Variants in RAPGEF4 observed in about 807,000 individuals in gnomAD.
RAPGEF4 encodes the protein Rap guanine nucleotide exchange factor 4.
A neutral mutation model predicts 147.9 loss-of-function variants in RAPGEF4; 66 were observed. That is an observed-to-expected ratio of 0.45 (90% confidence interval 0.37 to 0.55). The LOEUF (loss-of-function observed/expected upper bound fraction) is 0.55. Ranked by LOEUF, RAPGEF4 falls within the 20% of genes least tolerant of loss-of-function variation. The pLI is 0.00. For missense variants in RAPGEF4, 1,071 were observed against 1,257.3 expected, an observed-to-expected ratio of 0.85 and a Z score of 2.24; for synonymous variants, 419 against 442.7, an observed-to-expected ratio of 0.95 and a Z score of 0.67.
At chr2:172,896,076 A>G (rs1324897396) in intron 4 of RAPGEF4, among the ~76,000 whole-genome samples, 1 of 152,168 alleles carries the variant, frequency 6.6e-6, no homozygotes, top group African/African-American at 2.4e-5. Flanking sequence ...TTTCTTTACA[A>G]TCTTCCATTC....
chr2:172,960,691 C>T, intron 6 of RAPGEF4, 69 bp from the exon 7 acceptor site: 2 of 1,105,592 alleles, frequency 1.8e-6, no homozygotes, highest in Non-Finnish European at 2.6e-6. Context: ...CTTATTATCC[C>T]CCAACCCATA....
At chr2:172,946,648 G>A (rs1297364691) in intron 6 of RAPGEF4, among the ~76,000 whole-genome samples, 4 of 152,130 alleles carry the variant, frequency 2.6e-5, no homozygotes, top group Non-Finnish European at 5.9e-5. Context: ...TAAAGACCCT[G>A]TTCAAATCCC....
At chr2:172,765,470 C>G (rs1344521076) in intron 1 of RAPGEF4, among the ~76,000 whole-genome samples, 2 of 152,196 alleles carry the variant, frequency 1.3e-5, no homozygotes, top group African/African-American at 4.8e-5. Flanking sequence ...TCTGCTTCAT[C>G]TATCCCAAGA....
intron 1 of RAPGEF4, among the ~76,000 whole-genome samples, chr2:172,787,931 G>A (rs1011397570): frequency 2.6e-5 from 4 of 152,078 alleles, no homozygotes; most frequent in Non-Finnish European, 2.9e-5. Context: ...AACAAAGTAC[G>A]TTAGACTAGG....
intron 9 of RAPGEF4, chr2:172,966,967 A>G (rs1689903678): frequency 7.9e-6 from 2 of 253,156 alleles, no homozygotes; most frequent in African/African-American, 2.2e-5. Context: ...TATCAGGAAG[A>G]CGATTTCTGC....
At chr2:173,048,916 C>T (rs1381566374) in intron 30 of RAPGEF4, among the ~76,000 whole-genome samples, 4 of 152,178 alleles carry the variant, frequency 2.6e-5, no homozygotes, top group African/African-American at 9.7e-5. Flanking sequence ...ATTTAATTTG[C>T]TCTATCCAGT....
intron 12 of RAPGEF4, among the ~76,000 whole-genome samples, chr2:172,986,651 C>G (rs1380434008): frequency 1.3e-5 from 2 of 151,114 alleles, no homozygotes; most frequent in Admixed American, 1.3e-4. Context: ...TTACAATTAC[C>G]TTCTTAATCT....
chr2:173,011,170 G>GCGCA (rs564434178), intron 17 of RAPGEF4, among the ~76,000 whole-genome samples: 9,684 of 133,446 alleles, frequency 0.073, 416 homozygotes, highest in East Asian at 0.19. Flanking sequence ...GCGCGCGCGC[G>GCGCA]CACACACACA....
chr2:172,795,928 A>G (rs558642403), intron 2 of RAPGEF4, among the ~76,000 whole-genome samples: 25 of 152,344 alleles, frequency 1.6e-4, no homozygotes, highest in Admixed American at 1.2e-3. Context: ...TGTTGGATGC[A>G]TTATTTACTG....
chr2:172,965,600 T>A lies in RAPGEF4; in HGVS notation c.737T>A (p.Met246Lys), dbSNP rs1559149576. The part of the protein sequence containing the change: ...CVGTELVDWM[M>K]QQTPCVHSRT... ...GGAACTGAACTGGTGGACTGGATGA[T>A]GCAGCAGACACCATGTGTTCACTCC... Residue 246 changes from methionine (M) to lysine (K), a missense_variant, in exon 9 of 31, where the codon ATG becomes AAG. Met to Lys is a moderately conservative substitution (Grantham distance 95). Transcript: ENST00000397081. 6.2e-7 allele frequency: 1 copy of A among 1,613,752 alleles called. No individual in the cohort carries two copies. The highest frequency in any genetic ancestry group is 1.1e-5 in the South Asian group (1 of 91,072).
intron 14 of RAPGEF4, among the ~76,000 whole-genome samples, chr2:172,990,289 A>G (rs1692701427): frequency 6.6e-6 from 1 of 152,254 alleles, no homozygotes. Flanking sequence ...TAGGACCATT[A>G]TCATTGATGT....
intron 1 of RAPGEF4, among the ~76,000 whole-genome samples, chr2:172,774,664 C>G (rs1048519849): frequency 6.6e-5 from 10 of 152,296 alleles, no homozygotes; most frequent in African/African-American, 2.4e-4. Flanking sequence ...CTCTGAACTT[C>G]TAGGAGTTTT....
In RAPGEF4 at chr2:173,006,339, A is replaced by C. The variant is rs143524875; in HGVS notation, c.1658+4995A>C. Among the ~76,000 whole-genome samples, 298 of 152,366 alleles carry C rather than the reference A, an allele frequency of 2.0e-3. 3 individuals carry two copies. Among genetic ancestry groups the C allele is most frequent in the Middle Eastern group, 0.01 (3 of 294 alleles). ...GTTGTTTAGGACAGATTCTTACTGC[A>C]GCTAAAAGAATCTTAAGTATGAATG... On this transcript the variant is annotated intron_variant, in intron 17 of 30. Transcript: ENST00000397081.
chr2:172,961,616 C>T (rs1689305593), intron 8 of RAPGEF4, among the ~76,000 whole-genome samples: 1 of 152,184 alleles, frequency 6.6e-6, no homozygotes, highest in Admixed American at 6.5e-5. Context: ...ATTTCATTCA[C>T]ATAACACTGC....
intron 3 of RAPGEF4, among the ~76,000 whole-genome samples, chr2:172,811,914 G>A (rs1284131171): frequency 6.6e-6 from 1 of 152,174 alleles, no homozygotes; most frequent in Non-Finnish European, 1.5e-5. Context: ...ATGTAAATAA[G>A]GGCTAGCACC....
At chr2:172,896,612 C>G (rs1010739662) in intron 4 of RAPGEF4, among the ~76,000 whole-genome samples, 1 of 143,484 alleles carries the variant, frequency 7.0e-6, no homozygotes, top group Non-Finnish European at 1.5e-5. Flanking sequence ...TGGTTAAGTT[C>G]CCTGAATGAG....
chr2:173,019,188 C>T (rs967473812), intron 22 of RAPGEF4, among the ~76,000 whole-genome samples: 2 of 152,204 alleles, frequency 1.3e-5, no homozygotes, highest in African/African-American at 4.8e-5. Context: ...TGGAAGTGGT[C>T]AGAAGCTAGT....
chr2:172,909,912 A>G (rs1405466217), intron 4 of RAPGEF4, among the ~76,000 whole-genome samples: 2 of 151,942 alleles, frequency 1.3e-5, no homozygotes, highest in Admixed American at 1.3e-4. Flanking sequence ...AAATCCCTCT[A>G]CCTCAGGAGG....
At chr2:172,925,948 AG>A (rs1685289789) in intron 6 of RAPGEF4, among the ~76,000 whole-genome samples, 1 of 112,882 alleles carries the variant, frequency 8.9e-6, no homozygotes, top group African/African-American at 3.3e-5. Context: ...GAGGGAAGGA[AG>A]GAGGGGGAGG....
Sources: allele counts gnomAD v4.1 joint callset (sites outside exome capture counted in the v4.1 genomes callset), GRCh38; gene constraint gnomAD v4.1.1; transcripts MANE v1.5; gene names NCBI Gene and HGNC (gene_info 2026-07-23, HGNC 2026-07-21).